The following NCBP1 variants were observed in gnomAD, a reference collection of about 807,000 sequenced individuals.
NCBP1 encodes the protein nuclear cap binding protein subunit 1.
Under a neutral mutation model 111.7 loss-of-function variants are expected in NCBP1, and 16 were observed. The ratio of observed to expected loss-of-function variants is 0.14; its 90% CI spans 0.10 to 0.22. The LOEUF is 0.22. Among genes scored for constraint, NCBP1 ranks in the 10% least tolerant of loss-of-function variants. The pLI, the probability that NCBP1 is intolerant of heterozygous loss-of-function variation, is 1.00. For synonymous variants in NCBP1, 304 were observed against 314.3 expected (o/e 0.97, Z 0.35); for missense variants, 607 against 957.5 (o/e 0.63, Z 4.83).
In NCBP1 at chr9:97,641,648, G is replaced by A; in HGVS notation, c.210G>A (p.Arg70=). The A allele has an allele frequency of 6.2e-7, 1 of 1,606,696 alleles. No individual in the cohort carries two copies. Among genetic ancestry groups the A allele is most frequent in the Non-Finnish European group, 8.5e-7 (1 of 1,174,242 alleles). Residue 70 remains arginine, a synonymous_variant, in exon 3 of 23, where the codon AGG becomes AGA. Coordinates refer to ENST00000375147, the MANE Select transcript of NCBP1 (RefSeq NM_002486.5). ...CTAACTACAAGAGCAAGATCTTAAG[G>A]CTTCTTTGTACAGTGTATGTATGCA... ...DLPNYKSKIL[R]LLCTVARLLP...
At chr9:97,660,716 A>G (rs1827810286) in intron 15 of NCBP1, among the ~76,000 whole-genome samples, 1 of 152,216 alleles carries the variant, frequency 6.6e-6, no homozygotes, top group Non-Finnish European at 1.5e-5. Flanking sequence ...AGTGTCCTTA[A>G]TGAATTGTTG....
chr9:97,668,298 T>C (rs1486282864), intron 20 of NCBP1, among the ~76,000 whole-genome samples: 1 of 152,236 alleles, frequency 6.6e-6, no homozygotes, highest in African/African-American at 2.4e-5. Flanking sequence ...AAAGAAAAAA[T>C]TAAATTCTAT....
chr9:97,666,902 T>A, intron 20 of NCBP1, 25 bp downstream of exon 20: 1 of 1,463,882 alleles, frequency 6.8e-7, no homozygotes. Flanking sequence ...AACTTGTAAG[T>A]AGTTAAAGAA....
At chr9:97,662,629 T>A (rs1827872188) in intron 17 of NCBP1, among the ~76,000 whole-genome samples, 1 of 152,224 alleles carries the variant, frequency 6.6e-6, no homozygotes, top group South Asian at 2.1e-4. Flanking sequence ...TCTCCAAGGC[T>A]TTATATTACT....
intron 14 of NCBP1, among the ~76,000 whole-genome samples, chr9:97,658,356 G>A (rs754559047): frequency 6.6e-6 from 1 of 152,092 alleles, no homozygotes; most frequent in African/African-American, 2.4e-5. Flanking sequence ...TTTCCAAAGC[G>A]TGCAGTCATC....
chr9:97,660,223 A>G (rs1489293412), intron 15 of NCBP1, among the ~76,000 whole-genome samples: 1 of 152,110 alleles, frequency 6.6e-6, no homozygotes, highest in African/African-American at 2.4e-5. Context: ...AATTTACTTT[A>G]TTCATTCCAG....
At position 97,658,722 on chromosome 9, in the gene NCBP1, A is replaced by G; in HGVS notation, c.1456A>G (p.Lys486Glu). The change falls in exon 15 of 23, where the codon AAG becomes GAG. Residue 486 changes from lysine (K) to glutamate (E), a missense_variant. Lys to Glu is a moderately conservative substitution (Grantham distance 56). Coordinates refer to ENST00000375147, the MANE Select transcript of NCBP1 (RefSeq NM_002486.5). The part of the protein sequence containing the change: ...LCPANPTCIY[K>E]YGDESSNSLP... ...TCCTGCAAACCCAACCTGCATTTAC[A>G]AGTATGGAGATGAAAGTAGCAGTAA... The G allele has an allele frequency of 6.2e-7, 1 of 1,608,952 alleles. No homozygotes were observed. The highest frequency in any genetic ancestry group is 8.5e-7 in the Non-Finnish European group (1 of 1,175,434).
chr9:97,654,729 A>G, intron 11 of NCBP1, 151 bp from the exon 12 acceptor site: 1 of 715,072 alleles, frequency 1.4e-6, no homozygotes, highest in Non-Finnish European at 2.3e-6. Context: ...TCAAAGCTGT[A>G]AGAAAAAACA....
chr9:97,645,838 A>G, intron 6 of NCBP1, 106 bp downstream of exon 6: 2 of 1,335,122 alleles, frequency 1.5e-6, no homozygotes, highest in Non-Finnish European at 2.1e-6. Context: ...TCCTGAAGGT[A>G]TTTTCTAGGT....
At position 97,658,670 on chromosome 9, in the gene NCBP1, T is replaced by C; in HGVS notation, c.1404T>C (p.Ile468=). The part of the protein sequence containing the change: ...RLSYHQRILD[I]VPPTFSALCP... ...CTTACCATCAGCGTATATTAGATAT[T>C]GTTCCTCCTACCTTCTCAGCTCTGT... Residue 468 remains isoleucine (I), a synonymous_variant, in exon 15 of 23, where the codon ATT becomes ATC. Coordinates refer to ENST00000375147, the MANE Select transcript of NCBP1 (RefSeq NM_002486.5). 1 of 1,613,054 alleles carries C rather than the reference T, an allele frequency of 6.2e-7. No homozygotes were observed. The highest frequency in any genetic ancestry group is 1.3e-5 in the African/African-American group (1 of 74,886).
rs1827249075 is a variant in NCBP1 at position 97,643,258 on chromosome 9, G to C, written c.279G>C (p.Leu93=). 1.9e-6 allele frequency: 3 copies of C among 1,611,976 alleles called. No homozygotes were observed. In the Admixed American group the frequency reaches 5.0e-5, roughly 27 times the overall value. The change falls in exon 4 of 23, where the codon CTG becomes CTC. Residue 93 remains leucine (L), a synonymous_variant. Transcript: ENST00000375147. Reference sequence around the variant, plus strand: ...TTTATACAACATTAGTTGGACTACTGAATGCCAGGAATTACAATTTTGGTG... The same window carrying C: ...TTTATACAACATTAGTTGGACTACTCAATGCCAGGAATTACAATTTTGGTG... The part of the protein sequence containing the change: ...LTIYTTLVGL[L]NARNYNFGGE...
chr9:97,656,496 A>G (rs529494798), intron 14 of NCBP1, among the ~76,000 whole-genome samples: 185 of 152,236 alleles, frequency 1.2e-3, no homozygotes, highest in Non-Finnish European at 2.0e-3. Flanking sequence ...GAGTCCTTTG[A>G]GCCAAGATGG....
In NCBP1 at chr9:97,666,785, C is replaced by T; in HGVS notation, c.1924C>T (p.His642Tyr). The part of the protein sequence containing the change: ...FTRLFVWEIL[H>Y]STIRKMNKHV... ...AAGATTGTTTGTTTGGGAAATTTTG[C>T]ACTCTACAATTCGTAAGATGAACAA... is the stretch of plus-strand genomic sequence containing the variant. The change falls in exon 20 of 23, where the codon CAC (histidine) becomes TAC (tyrosine). Residue 642 changes from histidine (H) to tyrosine (Y), a missense_variant. By Grantham distance (83) the His-to-Tyr change is moderately conservative. Around this residue, in one of 9 missense-constraint regions of NCBP1, gnomAD observed 282 missense variants for 376.5 expected, o/e 0.75. Transcript: ENST00000375147. The T allele has an allele frequency of 6.2e-7, 1 of 1,602,606 alleles. No homozygotes were observed. Among genetic ancestry groups the T allele is most frequent in the Non-Finnish European group, 8.5e-7 (1 of 1,175,910 alleles).
chr9:97,649,964 T>G (rs1378952996), intron 8 of NCBP1, among the ~76,000 whole-genome samples: 2 of 152,196 alleles, frequency 1.3e-5, no homozygotes, highest in Non-Finnish European at 2.9e-5. Flanking sequence ...AAAAAAAGAT[T>G]AGAATCATCC....
At chr9:97,669,313 T>C (rs986486759) in intron 21 of NCBP1, among the ~76,000 whole-genome samples, 2 of 152,198 alleles carry the variant, frequency 1.3e-5, no homozygotes, top group African/African-American at 4.8e-5. Context: ...CCTGTTAAAA[T>C]TTCTGATTAC....
intron 14 of NCBP1, among the ~76,000 whole-genome samples, chr9:97,656,638 C>T (rs1827664009): frequency 6.6e-6 from 1 of 152,108 alleles, no homozygotes; most frequent in Admixed American, 6.6e-5. Context: ...AATTCTGTAT[C>T]CTCTTCACCT....
At chr9:97,658,796 T>A in intron 15 of NCBP1, 53 bp downstream of exon 15, 1 of 1,347,198 alleles carries the variant, frequency 7.4e-7, no homozygotes, top group Non-Finnish European at 1.1e-6. Flanking sequence ...TTCAAGTATA[T>A]CTGAAGTTAG....
rs576668396 is a variant in NCBP1 at position 97,644,769 on chromosome 9, T to C, written c.382-348T>C. The stretch of plus-strand genomic sequence containing the variant: ...AACTCACAGATTACTGTCCTTTATA[T>C]AGTCTTTGTTACAACTTCTCAATTC... On this transcript the variant is annotated intron_variant, in intron 4 of 22. Transcript: ENST00000375147. Among the ~76,000 whole-genome samples the C allele has an allele frequency of 2.0e-5, 3 of 152,320 alleles. No homozygotes were observed. In the East Asian group the frequency reaches 5.8e-4, roughly 29 times the overall value.
intron 14 of NCBP1, among the ~76,000 whole-genome samples, chr9:97,656,888 A>G (rs1827673417): frequency 6.6e-6 from 1 of 152,240 alleles, no homozygotes; most frequent in Admixed American, 6.5e-5. Context: ...ATCCTACCAC[A>G]TAATTCACAG....
Sources: gnomAD v4.1 joint callset for allele counts (sites outside exome capture counted in the v4.1 genomes callset) on GRCh38, gnomAD v4.1.1 for gene constraint, gnomAD v4.1.1 regional missense constraint, MANE v1.5 for transcripts, NCBI Gene and HGNC (gene_info 2026-07-23, HGNC 2026-07-21) for gene names.